TRAPPC9: variants seen among roughly 807,000 people sequenced by gnomAD.
TRAPPC9 encodes the protein IKK2 binding protein.
In TRAPPC9, 83 loss-of-function variants were observed where a neutral mutation model predicts 124.0. That is an observed-to-expected ratio of 0.67 (90% confidence interval 0.56 to 0.80). TRAPPC9 has a LOEUF of 0.80. Ranked by LOEUF, TRAPPC9 falls within the 30% of genes least tolerant of loss-of-function variation. The pLI is 0.00. For synonymous variants in TRAPPC9, 638 were observed against 617.5 expected (o/e 1.03, Z -0.49); for missense variants, 1,302 against 1,508.3 (o/e 0.86, Z 2.27).
intron 15 of TRAPPC9, among the ~76,000 whole-genome samples, chr8:140,264,607 G>A (rs1420981121): frequency 7.5e-6 from 1 of 132,806 alleles, no homozygotes; most frequent in Non-Finnish European, 1.6e-5. Flanking sequence ...GGGGGAGGGG[G>A]AAGGGAGAGA....
chr8:140,211,750 A>T (rs1367247358), intron 17 of TRAPPC9, among the ~76,000 whole-genome samples: 1 of 152,242 alleles, frequency 6.6e-6, no homozygotes, highest in Admixed American at 6.5e-5. Flanking sequence ...TCACTAATGA[A>T]GAGAATCTTC....
chr8:140,208,471 G>T (rs775034992), intron 17 of TRAPPC9, among the ~76,000 whole-genome samples: 1 of 152,172 alleles, frequency 6.6e-6, no homozygotes, highest in African/African-American at 2.4e-5. Flanking sequence ...CTGCAAATGG[G>T]GTCCAGCAAG....
chr8:140,295,432 A>G (rs1344797211), intron 11 of TRAPPC9, among the ~76,000 whole-genome samples: 1 of 152,184 alleles, frequency 6.6e-6, no homozygotes, highest in African/African-American at 2.4e-5. Context: ...GCCCAAGTCC[A>G]CCTGACAGCC....
chr8:140,318,705 T>G (rs866221329), intron 9 of TRAPPC9, among the ~76,000 whole-genome samples: 5 of 152,258 alleles, frequency 3.3e-5, no homozygotes, highest in Non-Finnish European at 5.9e-5. Context: ...ATAACAGAAT[T>G]TCTTCCCTTT....
At position 140,353,038 on chromosome 8, in the gene TRAPPC9, A is replaced by G. The variant is rs561970639; in HGVS notation, c.1495+7012T>C. Among the ~76,000 whole-genome samples, 2 of 152,238 alleles carry G rather than the reference A, an allele frequency of 1.3e-5. No individual in the cohort carries two copies. The highest frequency in any genetic ancestry group is 4.2e-4 in the South Asian group (2 of 4,818). On this transcript the variant is annotated intron_variant, in intron 9 of 22. Transcript: ENST00000438773. The surrounding 1 kb of genome is among the most constrained non-coding windows in gnomAD (Gnocchi z 4.2). ...ACAATCCCACAAGGTAGACGCAAAA[A>G]CCAAGACACAGATAGGGTTTTCGAG...
intron 17 of TRAPPC9, among the ~76,000 whole-genome samples, chr8:140,151,968 A>G (rs1198420409): frequency 6.6e-6 from 1 of 152,196 alleles, no homozygotes; most frequent in Non-Finnish European, 1.5e-5. Flanking sequence ...CTGGGAAAAG[A>G]GCCATATTCC....
chr8:139,864,106 T>C (rs1171923120), intron 21 of TRAPPC9, among the ~76,000 whole-genome samples: 1 of 152,154 alleles, frequency 6.6e-6, no homozygotes, highest in Non-Finnish European at 1.5e-5. Flanking sequence ...AGCCCGAGGC[T>C]AGTTCAAGGA....
rs76680598 is a variant in TRAPPC9, at chr8:139,780,684, T to G, written c.3056-48482A>C. 5.2e-3 allele frequency among the ~76,000 whole-genome samples: 787 copies of G among 151,764 alleles called. 11 individuals carry two copies. The highest frequency in any genetic ancestry group is 0.019 in the African/African-American group (766 of 41,382). On this transcript the variant is annotated intron_variant, in intron 21 of 22. Coordinates refer to ENST00000438773, the MANE Select transcript of TRAPPC9 (RefSeq NM_001160372.4). ...AAAGAAAGAACTGGTAAGCTGGACT[T>G]CATTACAATTTAAAGCTTCTGCTCT...
chr8:140,229,258 T>C (rs1314749699), intron 16 of TRAPPC9, among the ~76,000 whole-genome samples: 1 of 23,078 alleles, frequency 4.3e-5, no homozygotes, highest in Non-Finnish European at 1.7e-4. Context: ...TTTCTTTTTT[T>C]TTTTTTTTTT....
At chr8:140,221,050 A>T (rs972731425) in intron 17 of TRAPPC9, among the ~76,000 whole-genome samples, 1 of 152,212 alleles carries the variant, frequency 6.6e-6, no homozygotes, top group Non-Finnish European at 1.5e-5. Flanking sequence ...CTACCGGCAT[A>T]TCTGTCTTGG....
intron 19 of TRAPPC9, among the ~76,000 whole-genome samples, chr8:139,912,125 A>G (rs1387675691): frequency 6.6e-6 from 1 of 152,252 alleles, no homozygotes; most frequent in Non-Finnish European, 1.5e-5. Context: ...CATAAAAAAG[A>G]AAATAAAAGC....
intron 3 of TRAPPC9, among the ~76,000 whole-genome samples, chr8:140,437,724 A>G (rs1379581316): frequency 3.3e-5 from 5 of 152,324 alleles, no homozygotes; most frequent in Middle Eastern, 6.8e-3. Context: ...TTGTATTATC[A>G]TAAGTGGCTG....
At chr8:140,191,926 A>G (rs1046755704) in intron 17 of TRAPPC9, among the ~76,000 whole-genome samples, 5 of 152,164 alleles carry the variant, frequency 3.3e-5, no homozygotes, top group Non-Finnish European at 1.5e-5. Context: ...TGACACTAAC[A>G]CATCACTTAC....
At chr8:139,960,378 G>A (rs895566882) in intron 19 of TRAPPC9, among the ~76,000 whole-genome samples, 3 of 152,120 alleles carry the variant, frequency 2.0e-5, no homozygotes, top group South Asian at 2.1e-4. Context: ...ATCGCCCTCC[G>A]GAAGATTCAG....
In TRAPPC9 at chr8:139,823,021, C is replaced by T. The variant is rs561537236; in HGVS notation, c.3055+62858G>A. 1.3e-4 allele frequency among the ~76,000 whole-genome samples: 20 copies of T among 152,282 alleles called. No homozygotes were observed. The South Asian group carries it at 2.9e-3, about 22-fold the overall frequency. On this transcript the variant is annotated intron_variant, in intron 21 of 22. Coordinates refer to ENST00000438773, the MANE Select transcript of TRAPPC9 (RefSeq NM_001160372.4). ...TCCTCAGGTGTGTGCAGCTCTCTGG[C>T]GCCTCTTCCTACAGGGACAGTAATT...
At chr8:139,823,382 C>T (rs1400868031) in intron 21 of TRAPPC9, among the ~76,000 whole-genome samples, 3 of 151,772 alleles carry the variant, frequency 2.0e-5, no homozygotes, top group African/African-American at 4.8e-5. Context: ...GCTTGGTGCC[C>T]GAATGCAGAG....
intron 8 of TRAPPC9, among the ~76,000 whole-genome samples, chr8:140,368,969 G>T (rs1221988047): frequency 6.6e-6 from 1 of 152,178 alleles, no homozygotes; most frequent in Non-Finnish European, 1.5e-5. Context: ...GCCAAATCTG[G>T]CCACCATGTA....
intron 15 of TRAPPC9, among the ~76,000 whole-genome samples, chr8:140,259,452 C>T (rs1224077334): frequency 6.6e-6 from 1 of 152,206 alleles, no homozygotes; most frequent in Non-Finnish European, 1.5e-5. Flanking sequence ...AGTTACAAAC[C>T]CCAGCTTCAG....
In TRAPPC9 at chr8:140,252,773, T is replaced by C. The variant is rs1400412712; in HGVS notation, c.2431+4A>G. 9 of 1,613,686 alleles carry C rather than the reference T, an allele frequency of 5.6e-6. No homozygotes were observed. In the Middle Eastern group the frequency reaches 4.9e-4, roughly 89 times the overall value. ...GTGCTAATTAAAATTAGGAAAGCGC[T>C]TACCATCACTGAGATCCTGCAGGAG... On this transcript the variant is annotated splice_donor_region_variant and intron_variant, in intron 16 of 22. Coordinates refer to ENST00000438773, the MANE Select transcript of TRAPPC9 (RefSeq NM_001160372.4). The surrounding 1 kb of genome is among the most constrained non-coding windows in gnomAD (Gnocchi z 4.2).
Sources: gnomAD v4.1 joint callset for allele counts (sites outside exome capture counted in the v4.1 genomes callset) on GRCh38, gnomAD v4.1.1 for gene constraint, Gnocchi (gnomAD v3.1) non-coding constraint, MANE v1.5 for transcripts, NCBI Gene and HGNC (gene_info 2026-07-23, HGNC 2026-07-21) for gene names.